TIMM9: variants seen among roughly 807,000 people sequenced by gnomAD.
The protein encoded by TIMM9 is mitochondrial import inner membrane translocase subunit Tim9.
A neutral mutation model predicts 13.4 loss-of-function variants in TIMM9; 10 were observed. The ratio of observed to expected loss-of-function variants is 0.75; its 90% CI spans 0.46 to 1.26. The LOEUF (loss-of-function observed/expected upper bound fraction) is 1.26, where lower values mean the gene tolerates loss of function less well. TIMM9 is among the 50% of genes most tolerant of loss of function. The pLI is 0.00. For missense variants in TIMM9, 87 were observed against 100.8 expected (o/e 0.86, Z 0.58); for synonymous variants, 32 against 32.1 (o/e 1.00, Z 0.01).
intron 3 of TIMM9, among the ~76,000 whole-genome samples, chr14:58,418,304 G>C (rs2036478452): frequency 6.6e-6 from 1 of 151,992 alleles, no homozygotes; most frequent in African/African-American, 2.4e-5. Flanking sequence ...CAGAAAAAAA[G>C]GAAGATCAAT....
In TIMM9 at chr14:58,408,912, G is replaced by T; in HGVS notation, c.*122C>A. ...TCCAGCGGTTTCCATTTGCCAAACAGTCATGACAGATGGTTGAACATGGTG... is the reference window on the plus strand; with the variant it reads ...TCCAGCGGTTTCCATTTGCCAAACATTCATGACAGATGGTTGAACATGGTG... On this transcript the variant is annotated 3_prime_UTR_variant, in exon 6 of 6. Coordinates refer to ENST00000395159, the MANE Select transcript of TIMM9 (RefSeq NM_012460.4). The T allele has an allele frequency of 1.4e-6, 2 of 1,423,766 alleles. No homozygotes were observed. The highest frequency in any genetic ancestry group is 2.3e-5 in the East Asian group (1 of 42,724). 88.2% of individuals were successfully genotyped at this position (1,423,766 alleles called of 1,614,324 possible). A position where few individuals can be genotyped will look rare whatever the true frequency, so the allele number is the denominator to read the frequency against.
At chr14:58,412,660 G>A (rs1417382564) in intron 3 of TIMM9, among the ~76,000 whole-genome samples, 1 of 152,118 alleles carries the variant, frequency 6.6e-6, no homozygotes, top group Non-Finnish European at 1.5e-5. Flanking sequence ...CAGCACTTTG[G>A]GAGGCCAAGA....
At chr14:58,415,039 CAA>C (rs1446249320) in intron 3 of TIMM9, among the ~76,000 whole-genome samples, 1 of 152,168 alleles carries the variant, frequency 6.6e-6, no homozygotes, top group Non-Finnish European at 1.5e-5. Flanking sequence ...GGGAGAGTAA[CAA>C]AGCACTGTAG....
chr14:58,414,556 A>C (rs1021928074), intron 3 of TIMM9, among the ~76,000 whole-genome samples: 1 of 151,818 alleles, frequency 6.6e-6, no homozygotes, highest in African/African-American at 2.4e-5. Flanking sequence ...TGGACAGCAT[A>C]GTGAAACCGC....
chr14:58,417,356 A>G (rs2036445034), intron 3 of TIMM9, among the ~76,000 whole-genome samples: 1 of 151,844 alleles, frequency 6.6e-6, no homozygotes, highest in Non-Finnish European at 1.5e-5. Flanking sequence ...AAGAAAGAAA[A>G]GTAGCTGGGC....
intron 2 of TIMM9, among the ~76,000 whole-genome samples, chr14:58,424,765 G>A (rs2140346013): frequency 6.6e-6 from 1 of 152,294 alleles, no homozygotes; most frequent in South Asian, 2.1e-4. Context: ...TACTCAGGAG[G>A]CTGAGGCAGG....
intron 3 of TIMM9, among the ~76,000 whole-genome samples, chr14:58,420,790 T>A (rs1595027048): frequency 1.2e-4 from 2 of 16,492 alleles, no homozygotes; most frequent in African/African-American, 2.6e-4. Context: ...CAAAAATCCA[T>A]CTCAAAAAAA....
chr14:58,414,932 G>A (rs1028745279), intron 3 of TIMM9, among the ~76,000 whole-genome samples: 2 of 152,066 alleles, frequency 1.3e-5, no homozygotes, highest in Non-Finnish European at 2.9e-5. Flanking sequence ...ACTCTGGGGT[G>A]GTATCTAAGG....
chr14:58,422,535 T>A (rs1005746749), intron 3 of TIMM9, among the ~76,000 whole-genome samples: 12 of 152,334 alleles, frequency 7.9e-5, no homozygotes, highest in Non-Finnish European at 1.5e-4. Context: ...TACTAAAAAA[T>A]CTGAAAAGAC....
intron 3 of TIMM9, among the ~76,000 whole-genome samples, chr14:58,423,226 T>C (rs1253260935): frequency 6.6e-6 from 1 of 151,852 alleles, no homozygotes; most frequent in East Asian, 1.9e-4. Flanking sequence ...TCTATCAAGA[T>C]TACGGTATAG....
chr14:58,421,960 A>G (rs1042986365), intron 3 of TIMM9, among the ~76,000 whole-genome samples: 1 of 152,004 alleles, frequency 6.6e-6, no homozygotes, highest in African/African-American at 2.4e-5. Flanking sequence ...TCTACAGTTC[A>G]CATCAAAAAA....
intron 2 of TIMM9, among the ~76,000 whole-genome samples, chr14:58,426,268 C>T (rs900880096): frequency 1.3e-5 from 2 of 151,182 alleles, no homozygotes; most frequent in Middle Eastern, 6.8e-3. Flanking sequence ...CACAATGGCG[C>T]GATCTCAGCT....
At chr14:58,423,608 G>C (rs989063955) in intron 3 of TIMM9, among the ~76,000 whole-genome samples, 2 of 149,168 alleles carry the variant, frequency 1.3e-5, no homozygotes, top group African/African-American at 2.5e-5. Context: ...GTAAATCAAT[G>C]ATTTTCAGAG....
rs779858937 is a variant in TIMM9, at chr14:58,408,511, ATTT to A, written c.*520_*522del. 5.6e-6 allele frequency: 9 copies of A among 1,612,378 alleles called. 1 individual carries two copies. Among genetic ancestry groups the A allele is most frequent in the East Asian group, 2.2e-5 (1 of 44,862 alleles). Reference sequence around the variant, plus strand: ...GCATTGAAATGATTAGCAAGTAACTATTTTATGTATTCACCAGCAATTTGAGGC... The same window carrying A: ...GCATTGAAATGATTAGCAAGTAACTATATGTATTCACCAGCAATTTGAGGC... On this transcript the variant is annotated 3_prime_UTR_variant, in exon 6 of 6. Transcript: ENST00000395159.
At chr14:58,422,149 CTT>C (rs969608150) in intron 3 of TIMM9, among the ~76,000 whole-genome samples, 1 of 142,248 alleles carries the variant, frequency 7.0e-6, no homozygotes, top group African/African-American at 2.6e-5. Flanking sequence ...AGTTTTCGCT[CTT>C]GTTGCCCAGG....
rs879261420 is a variant in TIMM9 at position 58,412,010 on chromosome 14, A to G, written c.-26-39T>C. On this transcript the variant is annotated intron_variant, in intron 3 of 5. Coordinates refer to ENST00000395159, the MANE Select transcript of TIMM9 (RefSeq NM_012460.4). ...TCAAAACAAGTTTGTCAATCTATAA[A>G]CAAATGTTTTTAGTCTAACTGAAGA... 3.3e-6 allele frequency: 5 copies of G among 1,501,698 alleles called. No individual in the cohort carries two copies. The South Asian group carries it at 4.5e-5, about 14-fold the overall frequency. The allele number at this position is 1,501,698 out of a possible 1,614,324, so 93.0% of individuals were successfully genotyped here.
intron 3 of TIMM9, 36 bp from the exon 4 acceptor site, chr14:58,412,007 T>A: frequency 1.3e-6 from 2 of 1,491,556 alleles, no homozygotes; most frequent in Non-Finnish European, 1.9e-6. Flanking sequence ...TGTCAATCTA[T>A]AAACAAATGT....
rs1160407303 is a variant in TIMM9, at chr14:58,408,789, C to CTGAA, written c.*241_*244dup. The CTGAA allele has an allele frequency of 2.9e-6, 2 of 686,136 alleles. No individual in the cohort carries two copies. The highest frequency in any genetic ancestry group is 3.7e-5 in the African/African-American group (2 of 53,646). The allele number at this position is 686,136 out of a possible 1,614,324, so 42.5% of individuals were successfully genotyped here. On this transcript the variant is annotated 3_prime_UTR_variant, in exon 6 of 6. Transcript: ENST00000395159. ...TTTTTCTAATCAAGTGACCAAGCTG[C>CTGAA]TGAATCATAAGGCCTCAACAAATGT...
At chr14:58,421,835 A>T (rs557881322) in intron 3 of TIMM9, among the ~76,000 whole-genome samples, 16 of 152,332 alleles carry the variant, frequency 1.1e-4, no homozygotes, top group African/African-American at 3.8e-4. Flanking sequence ...TTGTTTACCA[A>T]TAGGCTCCTA....
Sources: allele counts gnomAD v4.1 joint callset (sites outside exome capture counted in the v4.1 genomes callset), GRCh38; gene constraint gnomAD v4.1.1; transcripts MANE v1.5; gene names NCBI Gene and HGNC (gene_info 2026-07-23, HGNC 2026-07-21).